The following OLAH variants were observed in gnomAD, a reference collection of about 807,000 sequenced individuals.
OLAH encodes the protein oleoyl-ACP hydrolase.
OLAH carries 33 observed loss-of-function variants against 27.8 expected under a neutral mutation model. The observed-to-expected ratio is 1.19, with a 90% CI of 0.90 to 1.59. The LOEUF (loss-of-function observed/expected upper bound fraction) is 1.59, where lower values mean the gene tolerates loss of function less well. OLAH is among the 40% of genes most tolerant of loss of function. The pLI, the probability that OLAH is intolerant of heterozygous loss-of-function variation, is 0.00. For missense variants in OLAH, 359 were observed against 310.8 expected (o/e 1.16, Z -1.17); for synonymous variants, 120 against 102.9 (o/e 1.17, Z -1.01).
At chr10:15,065,192 G>C (rs925219678) in intron 5 of OLAH, among the ~76,000 whole-genome samples, 16 of 152,144 alleles carry the variant, frequency 1.1e-4, no homozygotes, top group African/African-American at 3.6e-4. Flanking sequence ...AACTGGATCA[G>C]AACCAGGAAA....
chr10:15,054,039 A>ATTTTTTT (rs34022567), intron 3 of OLAH, among the ~76,000 whole-genome samples: 2 of 129,154 alleles, frequency 1.5e-5, no homozygotes, highest in Non-Finnish European at 1.6e-5. Flanking sequence ...CCTCTTAAGC[A>ATTTTTTT]TTTTTTTTTT....
intron 3 of OLAH, among the ~76,000 whole-genome samples, chr10:15,058,795 G>T (rs892235817): frequency 6.6e-6 from 1 of 152,024 alleles, no homozygotes; most frequent in African/African-American, 2.4e-5. Context: ...GGTTTTATGT[G>T]TCTAAAAAGT....
At chr10:15,051,829 C>A (rs954845178) in intron 3 of OLAH, among the ~76,000 whole-genome samples, 1 of 152,058 alleles carries the variant, frequency 6.6e-6, no homozygotes, top group Non-Finnish European at 1.5e-5. Flanking sequence ...GGATGGTGAG[C>A]TTTTTCTGTA....
intron 6 of OLAH, among the ~76,000 whole-genome samples, chr10:15,066,384 A>T (rs191633671): frequency 1.1e-4 from 17 of 152,266 alleles, no homozygotes; most frequent in Non-Finnish European, 2.1e-4. Context: ...AAGGGTCAGC[A>T]GAAATAGATT....
intron 3 of OLAH, among the ~76,000 whole-genome samples, chr10:15,052,343 T>TATA (rs1844160882): frequency 6.6e-6 from 1 of 152,176 alleles, no homozygotes; most frequent in Non-Finnish European, 1.5e-5. Flanking sequence ...AGTTGTTTGC[T>TATA]GTTTTAGTAG....
At chr10:15,038,256 G>A (rs532970793) in intron 1 of OLAH, among the ~76,000 whole-genome samples, 13 of 152,270 alleles carry the variant, frequency 8.5e-5, no homozygotes, top group East Asian at 1.9e-4. Context: ...GCTGATAGGC[G>A]GAAGGGACTC....
chr10:15,055,720 C>A (rs183266618), intron 3 of OLAH, among the ~76,000 whole-genome samples: 1 of 152,096 alleles, frequency 6.6e-6, no homozygotes, highest in African/African-American at 2.4e-5. Flanking sequence ...TAAACTTAAC[C>A]GTGTCCACTG....
chr10:15,034,101 CATT>C (rs1843801142), intron 1 of OLAH, among the ~76,000 whole-genome samples: 15 of 139,428 alleles, frequency 1.1e-4, no homozygotes, highest in African/African-American at 4.1e-4. Flanking sequence ...CAGACTCCAC[CATT>C]TTTTTTTTTT....
rs570397053 is a variant in OLAH, at chr10:15,049,277, G to T, written c.33-358G>T. Among the ~76,000 whole-genome samples the T allele has an allele frequency of 4.6e-5, 7 of 151,942 alleles. No homozygotes were observed. In the South Asian group the frequency reaches 1.5e-3, roughly 32 times the overall value. On this transcript the variant is annotated intron_variant, in intron 2 of 7. Transcript: ENST00000378228. ...GCCTCCCAAGTAGCTAGGATCATAGGTGTGTACCACTATGCCAACCTAACT... is the reference window on the plus strand; with the variant it reads ...GCCTCCCAAGTAGCTAGGATCATAGTTGTGTACCACTATGCCAACCTAACT...
intron 3 of OLAH, among the ~76,000 whole-genome samples, chr10:15,054,071 C>A (rs1321701832): frequency 6.8e-6 from 1 of 146,368 alleles, no homozygotes; most frequent in Non-Finnish European, 1.5e-5. Flanking sequence ...TGGAGTCTCG[C>A]TCTGTCACCC....
intron 6 of OLAH, among the ~76,000 whole-genome samples, chr10:15,067,230 A>C (rs1844486465): frequency 6.6e-6 from 1 of 152,218 alleles, no homozygotes; most frequent in African/African-American, 2.4e-5. Flanking sequence ...CATGGATGCA[A>C]AAGCTGGCTT....
At chr10:15,048,890 T>C (rs1409166217) in intron 2 of OLAH, among the ~76,000 whole-genome samples, 1 of 151,598 alleles carries the variant, frequency 6.6e-6, no homozygotes, top group African/African-American at 2.4e-5. Flanking sequence ...TCACCTGAGG[T>C]TGGGAGGTTG....
intron 3 of OLAH, chr10:15,056,802 AT>A: frequency 6.9e-7 from 1 of 1,447,300 alleles, no homozygotes; most frequent in Non-Finnish European, 9.1e-7. Context: ...GGCTAATTTT[AT>A]TTTATTTTAT....
intron 1 of OLAH, chr10:15,038,609 C>T (rs1843876897): frequency 6.6e-6 from 1 of 152,270 alleles, no homozygotes; most frequent in Admixed American, 6.6e-5. Flanking sequence ...TTGCCTGCTG[C>T]CATCCGTGTA....
chr10:15,047,526 C>G (rs1042462591), intron 2 of OLAH: 1 of 562,372 alleles, frequency 1.8e-6, no homozygotes, highest in Non-Finnish European at 3.2e-6. Flanking sequence ...AAAACCCTGT[C>G]TCTACTAAAA....
intron 3 of OLAH, among the ~76,000 whole-genome samples, chr10:15,059,066 C>G (rs1844307221): frequency 1.1e-5 from 1 of 93,790 alleles, no homozygotes; most frequent in African/African-American, 3.9e-5. Context: ...TCCCTTCCTT[C>G]CCTCTCTCCT....
chr10:15,057,686 C>T (rs111797425), intron 3 of OLAH, among the ~76,000 whole-genome samples: 9 of 151,962 alleles, frequency 5.9e-5, no homozygotes, highest in Non-Finnish European at 1.0e-4. Context: ...GTGCCTGGGC[C>T]GGGTTCTCTA....
chr10:15,042,173 CAG>C (rs1381922042), upstream of OLAH, among the ~76,000 whole-genome samples: 3 of 151,740 alleles, frequency 2.0e-5, no homozygotes, highest in Non-Finnish European at 4.4e-5. Context: ...TCTTTTGAGA[CAG>C]AGTTTTGCTC....
At chr10:15,058,861 A>G (rs1284826401) in intron 3 of OLAH, among the ~76,000 whole-genome samples, 2 of 151,968 alleles carry the variant, frequency 1.3e-5, no homozygotes, top group Non-Finnish European at 2.9e-5. Context: ...CCAGGGTGAC[A>G]GTTGTTCCCT....
Sources: allele counts gnomAD v4.1 joint callset (sites outside exome capture counted in the v4.1 genomes callset), GRCh38; gene constraint gnomAD v4.1.1; transcripts MANE v1.5; gene names NCBI Gene and HGNC (gene_info 2026-07-23, HGNC 2026-07-21).